The following BRCA2 variants were observed in gnomAD, a reference collection of about 807,000 sequenced individuals.
BRCA2 encodes breast cancer type 2 susceptibility protein.
BRCA2 carries 203 observed loss-of-function variants against 276.7 expected under a neutral mutation model. That is an observed-to-expected ratio of 0.73 (90% CI 0.65 to 0.82). The LOEUF is 0.82. BRCA2 is among the 40% of genes least tolerant of loss of function. BRCA2 has a pLI of 0.00. For synonymous variants in BRCA2, 1,289 were observed against 1,338.4 expected (o/e 0.96, Z 0.81); for missense variants, 3,920 against 3,915.0 (o/e 1.00, Z -0.03).
At chr13:32,316,607 G>A (rs1235931031) in intron 2 of BRCA2, 80 bp downstream of exon 2, 5 of 1,215,926 alleles carry the variant, frequency 4.1e-6, no homozygotes, top group Admixed American at 1.9e-5. Flanking sequence ...AACCCAGTAC[G>A]TCACAGTGTT....
At position 32,398,583 on chromosome 13, in the gene BRCA2, C is replaced by T. The variant is rs80358388; in HGVS notation, c.10070C>T (p.Thr3357Ile). 6.2e-7 allele frequency: 1 copy of T among 1,613,984 alleles called. No homozygotes were observed. The highest frequency in any genetic ancestry group is 8.5e-7 in the Non-Finnish European group (1 of 1,180,030). Residue 3357 changes from threonine (T) to isoleucine (I), a missense_variant, in exon 27 of 27, where the codon ACA becomes ATA. Physicochemically the swap from Thr to Ile is moderately conservative, Grantham distance 89. Around this residue, in one of 2 missense-constraint regions of BRCA2, gnomAD observed 657 missense variants for 758.2 expected, o/e 0.87. Transcript: ENST00000380152. ...ACCCAAGCTCTTTTGTCTGGTTCAA[C>T]AGGAGAAAAACAATTTATATCTGTC... ...INTQALLSGSTGEKQFISVSE... is the reference protein window; with the variant it reads ...INTQALLSGSIGEKQFISVSE...
Position 32,376,705 on chromosome 13 carries a change from C to A in BRCA2, c.8668C>A (p.Leu2890Ile), listed in dbSNP as rs80359127. ...AAAACCATATTTACCATCACGTGCA[C>A]TAACAAGACAGCAAGTTCGTGCTTT... is the stretch of plus-strand genomic sequence containing the variant. Reference protein sequence around the residue: ...TTKPYLPSRALTRQQVRALQD... With the variant: ...TTKPYLPSRAITRQQVRALQD... Residue 2890 changes from leucine to isoleucine, a missense_variant, in exon 21 of 27, where the codon CTA becomes ATA. Leu to Ile is a conservative substitution (Grantham distance 5). Around this residue, in one of 2 missense-constraint regions of BRCA2, gnomAD observed 657 missense variants for 758.2 expected, o/e 0.87. Transcript: ENST00000380152. 4.0e-5 allele frequency: 64 copies of A among 1,614,004 alleles called. No homozygotes were observed. The highest frequency in any genetic ancestry group is 5.3e-5 in the Non-Finnish European group (62 of 1,180,018).
chr13:32,379,464 A>G lies in BRCA2; in HGVS notation c.8902A>G (p.Thr2968Ala), dbSNP rs587782021. 1.1e-5 allele frequency: 18 copies of G among 1,613,354 alleles called. No homozygotes were observed. The highest frequency in any genetic ancestry group is 8.4e-5 in the Admixed American group (5 of 59,880). ...ACAAGGTTTATCAAGGGATGTCACA[A>G]CCGTGTGGAAGTTGCGTATTGTAAG... is the stretch of plus-strand genomic sequence containing the variant. ...KEQGLSRDVT[T>A]VWKLRIVSYS... is the part of the protein sequence containing the mutation. Residue 2968 changes from threonine (T) to alanine (A), a missense_variant, in exon 22 of 27, where the codon ACC becomes GCC. By Grantham distance (58) the Thr-to-Ala change is moderately conservative. Transcript: ENST00000380152.
intron 3 of BRCA2, among the ~76,000 whole-genome samples, chr13:32,322,297 C>T (rs1201661028): frequency 6.6e-6 from 1 of 152,112 alleles, no homozygotes; most frequent in Non-Finnish European, 1.5e-5. Context: ...GAGACCAGCT[C>T]GATTGTAGAG....
rs56386506 is a variant in BRCA2, at chr13:32,338,925, T to G, written c.4570T>G (p.Phe1524Val). ...GATCAAAGAACCTACTCTATTGGGT[T>G]TTCATACAGCTAGCGGGAAAAAAGT... ...EKIKEPTLLGFHTASGKKVKI... is the reference protein window; with the variant it reads ...EKIKEPTLLGVHTASGKKVKI... The change falls in exon 11 of 27, where the codon TTT becomes GTT. Residue 1524 changes from phenylalanine (F) to valine (V), a missense_variant. By Grantham distance (50) the Phe-to-Val change is conservative. This residue lies in a region of BRCA2 where 3,263 missense variants were observed against 3,156.9 expected (regional missense o/e 1.03). Coordinates refer to ENST00000380152, the MANE Select transcript of BRCA2 (RefSeq NM_000059.4). The G allele has an allele frequency of 2.6e-5, 42 of 1,613,784 alleles. No individual in the cohort carries two copies. Among genetic ancestry groups the G allele is most frequent in the Non-Finnish European group, 3.6e-5 (42 of 1,179,898 alleles).
rs886040781 is a variant in BRCA2 at position 32,371,004 on chromosome 13, G to C, written c.8536G>C (p.Glu2846Gln). 1.2e-6 allele frequency: 2 copies of C among 1,614,026 alleles called. No individual in the cohort carries two copies. The highest frequency in any genetic ancestry group is 2.7e-5 in the African/African-American group (2 of 74,920). The change falls in exon 20 of 27, where the codon GAG becomes CAG. Residue 2846 changes from glutamate to glutamine, a missense_variant. Physicochemically the swap from Glu to Gln is conservative, Grantham distance 29. Coordinates refer to ENST00000380152, the MANE Select transcript of BRCA2 (RefSeq NM_000059.4). Reference protein sequence around the residue: ...SGLYIFRNEREEEKEAAKYVE... With the variant: ...SGLYIFRNERQEEKEAAKYVE... ...ATTATACATATTTCGCAATGAAAGAGAGGAAGAAAAGGAAGCAGCAAAATA... is the reference window on the plus strand; with the variant it reads ...ATTATACATATTTCGCAATGAAAGACAGGAAGAAAAGGAAGCAGCAAAATA...
Position 32,394,698 on chromosome 13 carries a change from C to CT in BRCA2, c.9269dup (p.Val3091ArgfsTer20), listed in dbSNP as rs80359753. On this transcript the variant is annotated frameshift_variant, in exon 25 of 27. Transcript: ENST00000380152. LOFTEE classifies it high-confidence loss of function. ...TTTTTTTCCATTCTAGGACTTGCCC[C>CT]TTTCGTCTATTTGTCAGACGAATGT... 6.2e-7 allele frequency: 1 copy of CT among 1,613,492 alleles called. No individual in the cohort carries two copies. Among genetic ancestry groups the CT allele is most frequent in the Non-Finnish European group, 8.5e-7 (1 of 1,179,636 alleles).
In BRCA2 at chr13:32,330,949, GA is replaced by G. The variant is rs431825350; in HGVS notation, c.715del (p.Ser239ValfsTer2). The G allele has an allele frequency of 6.2e-7, 1 of 1,612,782 alleles. No homozygotes were observed. Among genetic ancestry groups the G allele is most frequent in the Non-Finnish European group, 8.5e-7 (1 of 1,179,048 alleles). ...GAAAAGCTATTTTTCCAATCATGAT[GA>G]AAGTCTGAAGAAAAATGATAGATTT... ...NVKSYFSNHDESLKKNDRFIA... is the reference protein window; with the variant it reads ...NVKSYFSNHDXSLKKNDRFIA... On this transcript the variant is annotated frameshift_variant, in exon 9 of 27. Transcript: ENST00000380152. LOFTEE classifies it high-confidence loss of function.
At chr13:32,335,719 G>T (rs1294358650) in intron 10 of BRCA2, among the ~76,000 whole-genome samples, 2 of 151,322 alleles carry the variant, frequency 1.3e-5, no homozygotes, top group Non-Finnish European at 2.9e-5. Flanking sequence ...AATTTTGATT[G>T]AGTTGGTAAC....
rs372207802 is a variant in BRCA2 at position 32,362,498 on chromosome 13, T to C, written c.7806-25T>C. 2.5e-6 allele frequency: 4 copies of C among 1,604,700 alleles called. No homozygotes were observed. In the African/African-American group the frequency reaches 4.0e-5, roughly 16 times the overall value. On this transcript the variant is annotated intron_variant, in intron 16 of 26. Coordinates refer to ENST00000380152, the MANE Select transcript of BRCA2 (RefSeq NM_000059.4). ...GTATCATCCTATGTGGTTTTTATGA[T>C]AATATTCTACTTTTATTTGTTCAGG...
chr13:32,339,278 A>G lies in BRCA2; in HGVS notation c.4923A>G (p.Glu1641=). 2 of 1,608,202 alleles carry G rather than the reference A, an allele frequency of 1.2e-6. No homozygotes were observed. The highest frequency in any genetic ancestry group is 1.3e-5 in the African/African-American group (1 of 74,482). ...KSIFLKVKVH[E]NVEKETAKSP... Reference sequence around the variant, plus strand: ...TCTTTTTGAAAGTTAAAGTACATGAAAATGTAGAAAAAGAAACAGCAAAAA... The same window carrying G: ...TCTTTTTGAAAGTTAAAGTACATGAGAATGTAGAAAAAGAAACAGCAAAAA... The change falls in exon 11 of 27, where the codon GAA becomes GAG. Residue 1641 remains glutamate, a synonymous_variant. Transcript: ENST00000380152.
rs80358511 is a variant in BRCA2 at position 32,336,814 on chromosome 13, A to G, written c.2459A>G (p.Asp820Gly). 27 of 1,605,114 alleles carry G rather than the reference A, an allele frequency of 1.7e-5. No homozygotes were observed. The highest frequency in any genetic ancestry group is 7.9e-5 in the South Asian group (7 of 88,696). The change falls in exon 11 of 27, where the codon GAT becomes GGT. Residue 820 changes from aspartate (D) to glycine (G), a missense_variant. Coordinates refer to ENST00000380152, the MANE Select transcript of BRCA2 (RefSeq NM_000059.4). ...TKNIPMEKNQ[D>G]VCALNENYKN... is the part of the protein sequence containing the mutation. Reference sequence around the variant, plus strand: ...AATATTCCCATGGAAAAGAATCAAGATGTATGTGCTTTAAATGAAAATTAT... The same window carrying G: ...AATATTCCCATGGAAAAGAATCAAGGTGTATGTGCTTTAAATGAAAATTAT...
intron 25 of BRCA2, among the ~76,000 whole-genome samples, chr13:32,395,560 C>T (rs1215741722): frequency 6.6e-6 from 1 of 152,076 alleles, no homozygotes; most frequent in African/African-American, 2.4e-5. Flanking sequence ...AATGGCTTGC[C>T]TTAGGTCAAA....
intron 14 of BRCA2, among the ~76,000 whole-genome samples, chr13:32,356,226 C>A (rs1228631190): frequency 1.3e-5 from 2 of 150,922 alleles, no homozygotes; most frequent in East Asian, 4.0e-4. Flanking sequence ...GTTTTTTTTA[C>A]TTTTATATAT....
chr13:32,322,391 T>G (rs2072312103), intron 3 of BRCA2, among the ~76,000 whole-genome samples: 1 of 152,160 alleles, frequency 6.6e-6, no homozygotes, highest in Non-Finnish European at 1.5e-5. Context: ...CTCACAGCCT[T>G]TTGACAGCAA....
chr13:32,355,835 G>A lies in BRCA2; in HGVS notation c.7435+547G>A, dbSNP rs374039739. Among the ~76,000 whole-genome samples the A allele has an allele frequency of 1.3e-3, 205 of 151,890 alleles. No individual in the cohort carries two copies. In the Middle Eastern group the frequency reaches 0.017, roughly 13 times the overall value. ...GCAGAGGTTGCAGTGAGCCGAGATC[G>A]CGCCATTGCACTCCAGCCTGGGCAA... is the stretch of plus-strand genomic sequence containing the variant. On this transcript the variant is annotated intron_variant, in intron 14 of 26. Coordinates refer to ENST00000380152, the MANE Select transcript of BRCA2 (RefSeq NM_000059.4).
rs80358839 is a variant in BRCA2, at chr13:32,340,384, T to A, written c.6029T>A (p.Val2010Asp). Reference protein sequence around the residue: ...FSEIEDSTKQVFSKVLFKSNE... With the variant: ...FSEIEDSTKQDFSKVLFKSNE... ...GAAATAGAAGATAGTACCAAGCAAG[T>A]CTTTTCCAAAGTATTGTTTAAAAGT... The change falls in exon 11 of 27, where the codon GTC becomes GAC. Residue 2010 changes from valine (V) to aspartate (D), a missense_variant. By Grantham distance (152) the Val-to-Asp change is radical. Around this residue, in one of 2 missense-constraint regions of BRCA2, gnomAD observed 3,263 missense variants for 3,156.9 expected, o/e 1.03. Coordinates refer to ENST00000380152, the MANE Select transcript of BRCA2 (RefSeq NM_000059.4). The A allele has an allele frequency of 6.2e-7, 1 of 1,613,866 alleles. No homozygotes were observed. The highest frequency in any genetic ancestry group is 8.5e-7 in the Non-Finnish European group (1 of 1,179,818).
intron 10 of BRCA2, 139 bp from the exon 11 acceptor site, chr13:32,336,126 T>C: frequency 1.1e-6 from 1 of 911,362 alleles, no homozygotes; most frequent in Non-Finnish European, 1.6e-6. Context: ...GCAGTCTTCC[T>C]GCCTCAGCCT....
chr13:32,369,556 G>A (rs917817755), intron 18 of BRCA2, among the ~76,000 whole-genome samples: 1 of 152,120 alleles, frequency 6.6e-6, no homozygotes, highest in African/African-American at 2.4e-5. Context: ...TGAGTCTTCA[G>A]ATTATTGTGA....
Sources: allele counts gnomAD v4.1 joint callset (sites outside exome capture counted in the v4.1 genomes callset), GRCh38; gene constraint gnomAD v4.1.1; regional missense constraint gnomAD v4.1.1; transcripts MANE v1.5; gene names NCBI Gene and HGNC (gene_info 2026-07-23, HGNC 2026-07-21).